NEB: variants seen among roughly 807,000 people sequenced by gnomAD.
The protein encoded by NEB is nebulin.
NEB carries 512 observed loss-of-function variants against 952.2 expected under a neutral mutation model. The observed-to-expected ratio is 0.54, with a 90% CI of 0.50 to 0.58. NEB has a LOEUF of 0.58. NEB is among the 20% of genes least tolerant of loss of function. NEB has a pLI of 0.00. For missense variants in NEB, 8,428 were observed against 9,231.1 expected (o/e 0.91, Z 3.56); for synonymous variants, 2,900 against 3,149.8 (o/e 0.92, Z 2.66).
At chr2:151,657,766 A>G (rs1028965397) in intron 48 of NEB, among the ~76,000 whole-genome samples, 1 of 152,204 alleles carries the variant, frequency 6.6e-6, no homozygotes, top group Non-Finnish European at 1.5e-5. Context: ...AGATCTCATG[A>G]GTCAGGGAGC....
chr2:151,653,109 C>A lies in NEB; in HGVS notation c.6915+883G>T, dbSNP rs543243569. Among the ~76,000 whole-genome samples, 21 of 152,256 alleles carry A rather than the reference C, an allele frequency of 1.4e-4. 1 individual carries two copies. The highest frequency in any genetic ancestry group is 5.2e-4 in the Admixed American group (8 of 15,284). On this transcript the variant is annotated intron_variant, in intron 52 of 181. Coordinates refer to ENST00000397345, the MANE Select transcript of NEB (RefSeq NM_001164508.2). ...TTGTCAGATTCCATTTTTAGGCATT[C>A]CTTTCCTGCACTCTGTACTTCAACC...
intron 25 of NEB, 23 bp downstream of exon 25, chr2:151,688,269 G>T (rs769819927): frequency 6.6e-7 from 1 of 1,509,766 alleles, no homozygotes; most frequent in East Asian, 2.3e-5. Flanking sequence ...CCAAACATAG[G>T]CTTCTGTGGC....
At chr2:151,729,897 T>C (rs1482392708) in intron 3 of NEB, among the ~76,000 whole-genome samples, 2 of 152,204 alleles carry the variant, frequency 1.3e-5, no homozygotes, top group Non-Finnish European at 2.9e-5. Context: ...GAGAAAAATG[T>C]ATGAGGCTGT....
At chr2:151,657,688 A>C (rs2099100913) in intron 48 of NEB, among the ~76,000 whole-genome samples, 1 of 152,222 alleles carries the variant, frequency 6.6e-6, no homozygotes, top group South Asian at 2.1e-4. Context: ...TCACCAAGAA[A>C]GCTTAGTGAA....
At chr2:151,539,793 A>G (rs1023352266) in intron 138 of NEB, among the ~76,000 whole-genome samples, 2 of 152,258 alleles carry the variant, frequency 1.3e-5, no homozygotes, top group African/African-American at 2.4e-5. Context: ...TGTGTCATGC[A>G]TCATTCACAT....
At chr2:151,613,343 GTTAA>G (rs1408505273) in intron 77 of NEB, among the ~76,000 whole-genome samples, 2 of 152,136 alleles carry the variant, frequency 1.3e-5, no homozygotes, top group Non-Finnish European at 2.9e-5. Context: ...CTTCCTATAA[GTTAA>G]ATAGACACAA....
At chr2:151,540,632 G>A in intron 137 of NEB, 65 bp downstream of exon 137, 2 of 1,403,520 alleles carry the variant, frequency 1.4e-6, no homozygotes, top group Non-Finnish European at 2.0e-6. Context: ...AGAGGTAGCA[G>A]GGGAAGGTTT....
chr2:151,633,705 A>C lies in NEB; in HGVS notation c.9363T>G (p.Pro3121=), dbSNP rs6709886. 59 of 1,613,776 alleles carry C rather than the reference A, an allele frequency of 3.7e-5. No homozygotes were observed. Among genetic ancestry groups the C allele is most frequent in the Non-Finnish European group, 4.9e-5 (58 of 1,179,842 alleles). The change falls in exon 65 of 182, where the codon CCT becomes CCG. Residue 3121 remains proline (P), a synonymous_variant. Transcript: ENST00000397345. ...KNYLHEWTCL[P]DQSDVIHARQ... ...GAGCATGGATGACATCGCTCTGGTC[A>C]GGCAGGCATGTCCACTCGTGCAGGT...
At chr2:151,630,217 T>C (rs1268089746) in intron 67 of NEB, among the ~76,000 whole-genome samples, 2 of 152,192 alleles carry the variant, frequency 1.3e-5, no homozygotes, top group South Asian at 2.1e-4. Flanking sequence ...GTCTATAAAA[T>C]TGCATTTTAC....
At chr2:151,618,948 A>T (rs906307447) in intron 73 of NEB, among the ~76,000 whole-genome samples, 1 of 152,198 alleles carries the variant, frequency 6.6e-6, no homozygotes, top group African/African-American at 2.4e-5. Context: ...TTAATTATTC[A>T]TTTTATTTTA....
chr2:151,509,209 A>G (rs191696329), intron 161 of NEB, among the ~76,000 whole-genome samples: 1 of 152,328 alleles, frequency 6.6e-6, no homozygotes, highest in Non-Finnish European at 1.5e-5. Flanking sequence ...GATTTTGTTC[A>G]TCTAAATGGA....
chr2:151,725,406 G>T, intron 6 of NEB, 47 bp downstream of exon 6: 1 of 1,443,518 alleles, frequency 6.9e-7, no homozygotes, highest in Non-Finnish European at 9.7e-7. Flanking sequence ...CCAGCAGTAG[G>T]TGTATTTTGA....
chr2:151,716,210 C>A, intron 10 of NEB: 1 of 387,598 alleles, frequency 2.6e-6, no homozygotes, highest in Non-Finnish European at 5.0e-6. Flanking sequence ...ACAATCTTGG[C>A]TCACTGCAAC....
rs1438958117 is a variant in NEB, at chr2:151,642,799, A to G, written c.8231T>C (p.Leu2744Ser). ...ATTTACTTTGTTTTGTTTAGCTAAT[A>G]AAACTTCAGGGGTATCTGGCATAAT... ...VHIMPDTPEV[L>S]LAKQNKVNYS... The change falls in exon 59 of 182, where the codon TTA becomes TCA. Residue 2744 changes from leucine to serine, a missense_variant. Physicochemically the swap from Leu to Ser is moderately radical, Grantham distance 145. This residue lies in a region of NEB where 1,772 missense variants were observed against 1,960.3 expected (regional missense o/e 0.90). Coordinates refer to ENST00000397345, the MANE Select transcript of NEB (RefSeq NM_001164508.2). 1.2e-6 allele frequency: 2 copies of G among 1,612,842 alleles called. No individual in the cohort carries two copies. The highest frequency in any genetic ancestry group is 1.7e-6 in the Non-Finnish European group (2 of 1,179,194).
chr2:151,700,865 C>T (rs1433276362), intron 13 of NEB, among the ~76,000 whole-genome samples: 181 of 109,348 alleles, frequency 1.7e-3, no homozygotes, highest in Middle Eastern at 9.0e-3. Context: ...TTTCCTTCTC[C>T]TGCCTAATTG....
intron 138 of NEB, among the ~76,000 whole-genome samples, chr2:151,539,256 G>T (rs2093688614): frequency 6.6e-6 from 1 of 152,142 alleles, no homozygotes; most frequent in South Asian, 2.1e-4. Flanking sequence ...AATGATGAAG[G>T]ATGTCACAAG....
intron 10 of NEB, among the ~76,000 whole-genome samples, chr2:151,712,510 C>A (rs997279024): frequency 6.6e-6 from 1 of 152,142 alleles, no homozygotes; most frequent in Admixed American, 6.5e-5. Context: ...TCACAGACCA[C>A]GACATGTTAT....
Position 151,614,372 on chromosome 2 carries a change from G to A in NEB, c.11505C>T (p.Ser3835=), listed in dbSNP as rs889698238. ...VLAKKCQILV[S]DIDYKHPLHE... ...GCAGGGGATGCTTGTAGTCTATGTC[G>A]CTTACAAGGATCTGACACTTCTTGG... Residue 3835 remains serine (S), a synonymous_variant, in exon 77 of 182, where the codon AGC becomes AGT. Coordinates refer to ENST00000397345, the MANE Select transcript of NEB (RefSeq NM_001164508.2). 7 of 1,613,862 alleles carry A rather than the reference G, an allele frequency of 4.3e-6. No individual in the cohort carries two copies. Among genetic ancestry groups the A allele is most frequent in the East Asian group, 2.2e-5 (1 of 44,872 alleles).
Position 151,672,605 on chromosome 2 carries a change from G to C in NEB, c.4063C>G (p.Leu1355Val). ...GFRSLQDDPK[L>V]VHYMNVAKLQ... ...TTTGCCACATTCATATAGTGGACCA[G>C]CTTGGGATCATCCTGGAGGCTTCTG... Residue 1355 changes from leucine to valine, a missense_variant, in exon 37 of 182, where the codon CTG becomes GTG. Transcript: ENST00000397345. 6.2e-7 allele frequency: 1 copy of C among 1,613,990 alleles called. No homozygotes were observed. Among genetic ancestry groups the C allele is most frequent in the Non-Finnish European group, 8.5e-7 (1 of 1,179,884 alleles).
Sources: allele counts gnomAD v4.1 joint callset (sites outside exome capture counted in the v4.1 genomes callset), GRCh38; gene constraint gnomAD v4.1.1; regional missense constraint gnomAD v4.1.1; transcripts MANE v1.5; gene names NCBI Gene and HGNC (gene_info 2026-07-23, HGNC 2026-07-21).